CEP290: variants seen among roughly 807,000 people sequenced by gnomAD.
The protein encoded by CEP290 is centrosomal protein of 290 kDa.
In CEP290, 317 loss-of-function variants were observed where a neutral mutation model predicts 344.9. The observed-to-expected ratio is 0.92, with a 90% CI of 0.84 to 1.01. The LOEUF is 1.01. Among genes scored for constraint, CEP290 ranks in the 50% least tolerant of loss-of-function variants. CEP290 has a pLI of 0.00. For missense variants in CEP290, 2,754 were observed against 2,761.4 expected (o/e 1.00, Z 0.06); for synonymous variants, 932 against 895.8 (o/e 1.04, Z -0.72).
intron 3 of CEP290, among the ~76,000 whole-genome samples, chr12:88,140,247 T>C (rs925810965): frequency 6.6e-6 from 1 of 152,194 alleles, no homozygotes; most frequent in Admixed American, 6.5e-5. Context: ...AACTCCGCTA[T>C]AATGTGATGT....
At chr12:88,119,879 G>C (rs1440359113) in intron 15 of CEP290, among the ~76,000 whole-genome samples, 1 of 151,996 alleles carries the variant, frequency 6.6e-6, no homozygotes, top group Admixed American at 6.6e-5. Flanking sequence ...TTACTGAGGA[G>C]ATGCTAGACC....
Position 88,131,812 on chromosome 12 carries a change from C to T in CEP290, c.442-594G>A, listed in dbSNP as rs142709080. ...AAATTAATCTGCTCCTCCAAAAAAACCCCTAATAAAATGGTTTTCTGCCCA... is the reference window on the plus strand; with the variant it reads ...AAATTAATCTGCTCCTCCAAAAAAATCCCTAATAAAATGGTTTTCTGCCCA... On this transcript the variant is annotated intron_variant, in intron 6 of 53. Transcript: ENST00000552810. 5.5e-3 allele frequency among the ~76,000 whole-genome samples: 833 copies of T among 152,238 alleles called. 14 individuals are homozygous for T. The highest frequency in any genetic ancestry group is 0.019 in the African/African-American group (780 of 41,538).
At position 88,130,340 on chromosome 12, in the gene CEP290, C is replaced by T. The variant is rs757015598; in HGVS notation, c.597G>A (p.Gly199=). The T allele has an allele frequency of 1.9e-6, 3 of 1,609,248 alleles. No individual in the cohort carries two copies. The highest frequency in any genetic ancestry group is 3.4e-5 in the Admixed American group (2 of 59,382). The change falls in exon 9 of 54, where the codon GGG becomes GGA. Residue 199 remains glycine (G), a synonymous_variant. Coordinates refer to ENST00000552810, the MANE Select transcript of CEP290 (RefSeq NM_025114.4). Reference sequence around the variant, plus strand: ...ACTGTGATCGGTAGTCACTGTCTTCCCCTCTTCTTGATAAAAGTGTTTCTT... The same window carrying T: ...ACTGTGATCGGTAGTCACTGTCTTCTCCTCTTCTTGATAAAAGTGTTTCTT... ...SQKETLLSRR[G]EDSDYRSQLS... is the part of the protein sequence containing the mutation.
chr12:88,064,074 C>G lies in CEP290; in HGVS notation c.6177G>C (p.Gln2059His), dbSNP rs1239385874. ...IESDDHCQRE[Q>H]ELQKENLKLS... is the part of the protein sequence containing the mutation. ...ACTTCAAGTTTTCCTTCTGAAGCTC[C>G]TGTTCTCTCTGACAATGATCATCTG... is the stretch of plus-strand genomic sequence containing the variant. The change falls in exon 45 of 54, where the codon CAG (glutamine) becomes CAC (histidine). Residue 2059 changes from glutamine to histidine, a missense_variant. By Grantham distance (24) the Gln-to-His change is conservative (BLOSUM62 0). Coordinates refer to ENST00000552810, the MANE Select transcript of CEP290 (RefSeq NM_025114.4). 1 of 1,583,326 alleles carries G rather than the reference C, an allele frequency of 6.3e-7. No homozygotes were observed. Among genetic ancestry groups the G allele is most frequent in the East Asian group, 2.3e-5 (1 of 44,006 alleles).
intron 29 of CEP290, 113 bp from the exon 30 acceptor site, chr12:88,090,952 T>A: frequency 1.7e-6 from 1 of 592,140 alleles, no homozygotes; most frequent in Non-Finnish European, 2.9e-6. Flanking sequence ...AGCATCTATC[T>A]CTTCTTTGTA....
chr12:88,121,510 C>T (rs113273907), intron 13 of CEP290, among the ~76,000 whole-genome samples: 1,869 of 151,284 alleles, frequency 0.012, 39 homozygotes, highest in African/African-American at 0.042. Context: ...TAGCTTGACA[C>T]GTGGCCATTT....
intron 26 of CEP290, 140 bp downstream of exon 26, chr12:88,102,698 A>C: frequency 1.6e-6 from 1 of 619,276 alleles, no homozygotes; most frequent in East Asian, 3.0e-5. Context: ...AACTGAATGA[A>C]TAATATGGAT....
rs1456594952 is a variant in CEP290, at chr12:88,092,798, T to G, written c.3344A>C (p.Glu1115Ala). 6.2e-7 allele frequency: 1 copy of G among 1,610,602 alleles called. No homozygotes were observed. The change falls in exon 29 of 54, where the codon GAA becomes GCA. Residue 1115 changes from glutamate (E) to alanine (A), a missense_variant. Transcript: ENST00000552810. The stretch of plus-strand genomic sequence containing the variant: ...AGCTAATTCATCTCTTAACATCTGT[T>G]CCACCTTCTGTGCATCCAAATTGAT... ...TKINLDAQKV[E>A]QMLRDELADS...
chr12:88,094,922 GA>G (rs935308835), intron 27 of CEP290, among the ~76,000 whole-genome samples: 7 of 150,154 alleles, frequency 4.7e-5, no homozygotes, highest in Admixed American at 1.3e-4. Flanking sequence ...TACATTTCCT[GA>G]AAAAAAAATT....
chr12:88,120,377 A>G (rs1035140455), intron 14 of CEP290, 101 bp from the exon 15 acceptor site: 3 of 533,930 alleles, frequency 5.6e-6, no homozygotes, highest in South Asian at 4.3e-5. Context: ...GAAAATGTAC[A>G]TATGCCTATA....
rs540712786 is a variant in CEP290 at position 88,136,588 on chromosome 12, T to C, written c.441+55A>G. 26 of 1,551,470 alleles carry C rather than the reference T, an allele frequency of 1.7e-5. No homozygotes were observed. In the Admixed American group the frequency reaches 2.1e-4, roughly 12 times the overall value. On this transcript the variant is annotated intron_variant, in intron 6 of 53. Coordinates refer to ENST00000552810, the MANE Select transcript of CEP290 (RefSeq NM_025114.4). The stretch of plus-strand genomic sequence containing the variant: ...AAATTGATATTGTTACCAATAATAA[T>C]AAAAAGCCAGGTAACTTGAACAGTG...
intron 25 of CEP290, 46 bp from the exon 26 acceptor site, chr12:88,103,057 TG>T (rs1417829807): frequency 7.7e-7 from 1 of 1,305,478 alleles, no homozygotes. Flanking sequence ...TCTTTTTTTC[TG>T]GTCAAGCACT....
At chr12:88,116,639 T>C (rs928646580) in intron 18 of CEP290, among the ~76,000 whole-genome samples, 1 of 152,158 alleles carries the variant, frequency 6.6e-6, no homozygotes, top group Non-Finnish European at 1.5e-5. Context: ...AGATTAGATG[T>C]TCAAGAATGA....
intron 11 of CEP290, among the ~76,000 whole-genome samples, chr12:88,126,808 T>C (rs2138032445): frequency 6.6e-6 from 1 of 152,142 alleles, no homozygotes; most frequent in Admixed American, 6.5e-5. Context: ...TAAAATATCT[T>C]GAATGAATGA....
chr12:88,058,797 C>A, intron 49 of CEP290, 51 bp downstream of exon 49: 2 of 1,578,440 alleles, frequency 1.3e-6, no homozygotes, highest in South Asian at 2.3e-5. Context: ...TAAAACAATG[C>A]CAAAATTTGA....
At chr12:88,096,807 A>G (rs1346353185) in intron 27 of CEP290, 81 bp downstream of exon 27, 1 of 704,662 alleles carries the variant, frequency 1.4e-6, no homozygotes, top group African/African-American at 1.9e-5. Flanking sequence ...CTTTTAATCT[A>G]GCATAAAAAA....
chr12:88,080,489 G>A lies in CEP290; in HGVS notation c.5013-94C>T, dbSNP rs188223393. On this transcript the variant is annotated intron_variant, in intron 37 of 53. Coordinates refer to ENST00000552810, the MANE Select transcript of CEP290 (RefSeq NM_025114.4). The stretch of plus-strand genomic sequence containing the variant: ...CTGTCACCCAGGCTGGAGTGCAGCA[G>A]CGCAATCTCGGCTGACTGCAACCTC... 46 of 878,620 alleles carry A rather than the reference G, an allele frequency of 5.2e-5. No individual in the cohort carries two copies. In the Admixed American group the frequency reaches 8.9e-4, roughly 17 times the overall value. The allele number at this position is 878,620 out of a possible 1,614,324, so 54.4% of individuals were successfully genotyped here.
At chr12:88,130,460 T>G (rs1434050018) in intron 8 of CEP290, 40 bp from the exon 9 acceptor site, 1 of 1,598,414 alleles carries the variant, frequency 6.3e-7, no homozygotes, top group Non-Finnish European at 8.5e-7. Context: ...ACAAAACTAT[T>G]CAGAATAACA....
intron 31 of CEP290, among the ~76,000 whole-genome samples, chr12:88,088,305 G>C (rs2036751023): frequency 2.0e-5 from 3 of 152,128 alleles, no homozygotes; most frequent in Admixed American, 1.3e-4. Flanking sequence ...GGATGTAGTT[G>C]CAAGATAATT....
Sources: gnomAD v4.1 joint callset for allele counts (sites outside exome capture counted in the v4.1 genomes callset) on GRCh38, gnomAD v4.1.1 for gene constraint, MANE v1.5 for transcripts, NCBI Gene and HGNC (gene_info 2026-07-23, HGNC 2026-07-21) for gene names.